GNA14: variants seen among roughly 807,000 people sequenced by gnomAD.
GNA14 encodes the protein G protein subunit alpha 14.
A neutral mutation model predicts 42.0 loss-of-function variants in GNA14; 50 were observed. The ratio of observed to expected loss-of-function variants is 1.19; its 90% CI spans 0.95 to 1.51. GNA14 has a LOEUF of 1.51. Ranked by LOEUF, GNA14 falls within the 40% of genes most tolerant of loss-of-function variation. The probability of loss-of-function intolerance (pLI) is 0.00; values close to 1 mark genes in which losing one functional copy is unlikely to be tolerated. For synonymous variants in GNA14, 173 were observed against 163.1 expected (o/e 1.06, Z -0.46); for missense variants, 473 against 446.2 (o/e 1.06, Z -0.54).
At chr9:77,634,492 G>A (rs11145500) in intron 1 of GNA14, among the ~76,000 whole-genome samples, 34,435 of 148,500 alleles carry the variant, frequency 0.23, 5,322 homozygotes, top group East Asian at 0.51. Context: ...AGGAAGGAAG[G>A]AAGGGAGTGA....
chr9:77,478,564 A>C (rs1345907949), intron 2 of GNA14, among the ~76,000 whole-genome samples: 1 of 152,142 alleles, frequency 6.6e-6, no homozygotes, highest in Non-Finnish European at 1.5e-5. Context: ...GGCTGGGTCA[A>C]ATGGTATTTC....
chr9:77,525,909 TAAAA>T (rs202169762), intron 2 of GNA14, among the ~76,000 whole-genome samples: 3 of 141,502 alleles, frequency 2.1e-5, no homozygotes, highest in African/African-American at 5.2e-5. Flanking sequence ...GGACTTTTTT[TAAAA>T]AAAAAAAAAA....
chr9:77,638,392 T>C (rs1282026692), intron 1 of GNA14, among the ~76,000 whole-genome samples: 1 of 152,200 alleles, frequency 6.6e-6, no homozygotes, highest in Non-Finnish European at 1.5e-5. Flanking sequence ...GAGTAAATGG[T>C]GCAAGGATAA....
intron 1 of GNA14, among the ~76,000 whole-genome samples, chr9:77,562,512 T>C (rs1367392885): frequency 6.6e-6 from 1 of 152,084 alleles, no homozygotes; most frequent in Non-Finnish European, 1.5e-5. Context: ...TCCAGTAATC[T>C]ATGTGATGAA....
At chr9:77,646,775 T>C (rs527644294) in intron 1 of GNA14, among the ~76,000 whole-genome samples, 1 of 152,364 alleles carries the variant, frequency 6.6e-6, no homozygotes, top group African/African-American at 2.4e-5. Flanking sequence ...AGCAAATGTG[T>C]TGACAGCGTT....
At chr9:77,495,536 A>G (rs192510000) in intron 2 of GNA14, among the ~76,000 whole-genome samples, 134 of 152,324 alleles carry the variant, frequency 8.8e-4, no homozygotes, top group Non-Finnish European at 1.4e-3. Context: ...CTTGTGTTGC[A>G]GCGCTGAGAT....
intron 1 of GNA14, among the ~76,000 whole-genome samples, chr9:77,597,562 G>A (rs758219627): frequency 1.3e-5 from 2 of 151,624 alleles, no homozygotes; most frequent in South Asian, 2.1e-4. Flanking sequence ...TTAAAATATC[G>A]GTCTTGCCTA....
intron 2 of GNA14, among the ~76,000 whole-genome samples, chr9:77,494,215 C>T (rs368747418): frequency 4.6e-5 from 7 of 152,180 alleles, no homozygotes; most frequent in South Asian, 2.1e-4. Context: ...CCACCGTGCC[C>T]GGCCAAAATA....
intron 4 of GNA14, among the ~76,000 whole-genome samples, chr9:77,430,635 T>C (rs576887902): frequency 1.3e-5 from 2 of 152,288 alleles, no homozygotes; most frequent in South Asian, 4.1e-4. Context: ...GTGGGAGGAC[T>C]GATGTGTTGT....
At chr9:77,576,603 C>T (rs750504240) in intron 1 of GNA14, among the ~76,000 whole-genome samples, 7 of 151,898 alleles carry the variant, frequency 4.6e-5, no homozygotes, top group Non-Finnish European at 7.4e-5. Flanking sequence ...TTAGATATGG[C>T]CAAGAGGTTA....
intron 1 of GNA14, 147 bp downstream of exon 1, chr9:77,647,523 C>G (rs1420048352): frequency 2.2e-6 from 2 of 889,302 alleles, no homozygotes; most frequent in East Asian, 2.8e-5. Context: ...CCCCAAGTTG[C>G]TGGCATCCGT....
Position 77,458,850 on chromosome 9 carries a change from G to A in GNA14, c.310-24328C>T, listed in dbSNP as rs907139914. ...CAGTATCTCTACTGTGCTTTCCAGA[G>A]TTCCACAAAGTCCACCTCTCTGCAG... On this transcript the variant is annotated intron_variant, in intron 2 of 6. Coordinates refer to ENST00000341700, the MANE Select transcript of GNA14 (RefSeq NM_004297.4). 2.8e-5 allele frequency among the ~76,000 whole-genome samples: 4 copies of A among 144,740 alleles called. No individual in the cohort carries two copies. The Admixed American group carries it at 2.8e-4, about 10-fold the overall frequency. 95.0% of individuals were successfully genotyped at this position (144,740 alleles called of 152,430 possible).
chr9:77,463,398 GA>G (rs146389215), intron 2 of GNA14, among the ~76,000 whole-genome samples: 5 of 152,120 alleles, frequency 3.3e-5, no homozygotes, highest in Non-Finnish European at 7.4e-5. Context: ...CTTAAAAAAA[GA>G]AAAAAACCAA....
At position 77,568,602 on chromosome 9, in the gene GNA14, G is replaced by A. The variant is rs145092109; in HGVS notation, c.125-39349C>T. Among the ~76,000 whole-genome samples, 730 of 152,282 alleles carry A rather than the reference G, an allele frequency of 4.8e-3. 6 individuals carry two copies. The highest frequency in any genetic ancestry group is 0.016 in the African/African-American group (678 of 41,554). ...AATTTTGATTCAGAAATGCAAATTC[G>A]GATCTGGCAAATCTGTGGCATGGAA... On this transcript the variant is annotated intron_variant, in intron 1 of 6. Coordinates refer to ENST00000341700, the MANE Select transcript of GNA14 (RefSeq NM_004297.4).
intron 1 of GNA14, among the ~76,000 whole-genome samples, chr9:77,646,191 C>T (rs1824348963): frequency 6.6e-6 from 1 of 152,222 alleles, no homozygotes; most frequent in African/African-American, 2.4e-5. Flanking sequence ...CACGGGGACT[C>T]CCTCCACTCC....
At chr9:77,640,888 A>C (rs1363055197) in intron 1 of GNA14, among the ~76,000 whole-genome samples, 2 of 147,118 alleles carry the variant, frequency 1.4e-5, no homozygotes, top group Admixed American at 7.0e-5. Context: ...AAAAAAAAAA[A>C]AAAACAACAG....
chr9:77,453,804 C>T (rs1322485232), intron 2 of GNA14, among the ~76,000 whole-genome samples: 3 of 152,166 alleles, frequency 2.0e-5, no homozygotes, highest in Non-Finnish European at 4.4e-5. Context: ...CAGCACAGAG[C>T]TTTTGATATG....
chr9:77,497,698 T>C (rs1363646817), intron 2 of GNA14, among the ~76,000 whole-genome samples: 2 of 152,170 alleles, frequency 1.3e-5, no homozygotes, highest in African/African-American at 4.8e-5. Context: ...TAAATATATT[T>C]ATGAGCTAAC....
rs1246233227 is a variant in GNA14 at position 77,423,742 on chromosome 9, T to C, written c.*237A>G. ...AATTCAAAAATTACACAAAATCTTA[T>C]AGCCAAAAGTCAAGAAAATAATTAT... On this transcript the variant is annotated 3_prime_UTR_variant, in exon 7 of 7. Transcript: ENST00000341700. 6 of 289,726 alleles carry C rather than the reference T, an allele frequency of 2.1e-5. No individual in the cohort carries two copies. In the East Asian group the frequency reaches 2.3e-4, roughly 11 times the overall value. The allele number at this position is 289,726 out of a possible 1,614,324, so 17.9% of individuals were successfully genotyped here. A position where few individuals can be genotyped will look rare whatever the true frequency, so the allele number is the denominator to read the frequency against.
Sources: allele counts gnomAD v4.1 joint callset (sites outside exome capture counted in the v4.1 genomes callset), GRCh38; gene constraint gnomAD v4.1.1; transcripts MANE v1.5; gene names NCBI Gene and HGNC (gene_info 2026-07-23, HGNC 2026-07-21).